SCAI: variants seen among roughly 807,000 people sequenced by gnomAD.
SCAI encodes the protein suppressor of cancer cell invasion.
SCAI carries 24 observed loss-of-function variants against 92.2 expected under a neutral mutation model. That is an observed-to-expected ratio of 0.26 (90% CI 0.19 to 0.37). SCAI has a LOEUF of 0.37. SCAI is among the 10% of genes least tolerant of loss of function. SCAI has a pLI of 1.00. For missense variants in SCAI, 450 were observed against 736.2 expected (o/e 0.61, Z 4.50); for synonymous variants, 261 against 258.6 (o/e 1.01, Z -0.09).
intron 2 of SCAI, among the ~76,000 whole-genome samples, chr9:125,120,277 T>C (rs554346766): frequency 6.6e-6 from 1 of 152,274 alleles, no homozygotes; most frequent in South Asian, 2.1e-4. Context: ...TTAAGTAGAG[T>C]TTTCCTGTAA....
At chr9:124,999,386 C>CAAAA (rs879464843) in intron 13 of SCAI, among the ~76,000 whole-genome samples, 2 of 116,932 alleles carry the variant, frequency 1.7e-5, no homozygotes, top group Non-Finnish European at 3.7e-5. Flanking sequence ...GACTCCATCT[C>CAAAA]AAAAAAAAAA....
At position 125,055,944 on chromosome 9, in the gene SCAI, T is replaced by G; in HGVS notation, c.162A>C (p.Gly54=). 1 of 1,611,846 alleles carries G rather than the reference T, an allele frequency of 6.2e-7. No homozygotes were observed. Among genetic ancestry groups the G allele is most frequent in the Non-Finnish European group, 8.5e-7 (1 of 1,178,094 alleles). ...AAAAATCTGTAACTGTTTTCCTCTC[T>G]CCCTGTGGGATATCATCTTCAGCAC... ...SGGAEDDIPQ[G]ERKTVTDFCY... Residue 54 remains glycine, a synonymous_variant, in exon 3 of 18, where the codon GGA becomes GGC. Coordinates refer to ENST00000336505, the MANE Select transcript of SCAI (RefSeq NM_001144877.3).
intron 17 of SCAI, chr9:124,968,841 C>T (rs1334855103): frequency 1.4e-5 from 9 of 642,566 alleles, no homozygotes; most frequent in Non-Finnish European, 2.0e-5. Flanking sequence ...TTCTGCTGGC[C>T]GCAGGGCCCA....
At chr9:125,135,385 C>T (rs552552089) in intron 2 of SCAI, among the ~76,000 whole-genome samples, 1 of 152,348 alleles carries the variant, frequency 6.6e-6, no homozygotes, top group Admixed American at 6.5e-5. Flanking sequence ...GGCACGATGG[C>T]TCACGCCTGT....
chr9:125,128,938 C>T (rs184087340), intron 2 of SCAI, among the ~76,000 whole-genome samples: 1 of 152,018 alleles, frequency 6.6e-6, no homozygotes, highest in East Asian at 1.9e-4. Context: ...TGGTGCACAA[C>T]TTTAATCCCA....
intron 5 of SCAI, among the ~76,000 whole-genome samples, 199 bp from the exon 6 acceptor site, chr9:125,027,109 ACCT>A (rs1832979631): frequency 6.6e-6 from 1 of 152,034 alleles, no homozygotes; most frequent in Non-Finnish European, 1.5e-5. Flanking sequence ...TTTTTTAAAA[ACCT>A]CCTCGCTGCA....
intron 3 of SCAI, among the ~76,000 whole-genome samples, chr9:125,038,941 G>A (rs1369116502): frequency 1.3e-5 from 2 of 152,178 alleles, no homozygotes; most frequent in Non-Finnish European, 2.9e-5. Flanking sequence ...CAGAAGCCAT[G>A]ATCTGTGGCA....
chr9:125,004,262 G>T (rs972394203), intron 9 of SCAI, among the ~76,000 whole-genome samples: 1 of 151,886 alleles, frequency 6.6e-6, no homozygotes, highest in Admixed American at 6.6e-5. Context: ...GAATTCACAC[G>T]TGTAGGTAGT....
In SCAI at chr9:124,945,888, T is replaced by A. The variant is rs1045932622; in HGVS notation, c.*6919A>T. On this transcript the variant is annotated 3_prime_UTR_variant, in exon 18 of 18. Transcript: ENST00000336505. ...CTTTTTTTTTTAAGTGGTCCCATTA[T>A]CCAGGAAAGACTGAGAGGTACAGCA... is the stretch of plus-strand genomic sequence containing the variant. 15 of 152,292 alleles carry A rather than the reference T, an allele frequency of 9.8e-5. No homozygotes were observed. In the East Asian group the frequency reaches 1.9e-3, roughly 20 times the overall value. The allele number at this position is 152,292 out of a possible 1,614,324, so 9.4% of individuals were successfully genotyped here.
At chr9:125,097,991 GAATA>G (rs766143629) in intron 2 of SCAI, among the ~76,000 whole-genome samples, 5 of 150,452 alleles carry the variant, frequency 3.3e-5, no homozygotes, top group East Asian at 3.9e-4. Flanking sequence ...ATCTATATAA[GAATA>G]TATATATGTG....
intron 2 of SCAI, among the ~76,000 whole-genome samples, chr9:125,125,693 A>C (rs913935144): frequency 6.6e-6 from 1 of 151,320 alleles, no homozygotes; most frequent in South Asian, 2.1e-4. Flanking sequence ...TCAGCCACGC[A>C]TGGTGGCAGG....
chr9:125,101,215 G>A (rs1202489028), intron 2 of SCAI, among the ~76,000 whole-genome samples: 3 of 152,182 alleles, frequency 2.0e-5, no homozygotes, highest in Admixed American at 6.5e-5. Context: ...TGAAGCAAAT[G>A]AGGAGCCAAT....
chr9:125,072,236 A>C (rs559160277), intron 2 of SCAI, among the ~76,000 whole-genome samples: 21 of 152,196 alleles, frequency 1.4e-4, no homozygotes, highest in East Asian at 9.7e-4. Flanking sequence ...GTTGGCCAGG[A>C]TGGTCTCGAT....
rs1318469422 is a variant in SCAI, at chr9:124,976,161, G to A, written c.1352C>T (p.Pro451Leu). ...TGTAGGAGAAAGCAAGCAGACTAGT[G>A]GCTGTCCAAACAAGTTTGTGAAATT... The part of the protein sequence containing the change: ...YKNFTNLFGQ[P>L]LVCLLSPTAY... Residue 451 changes from proline (P) to leucine (L), a missense_variant, in exon 15 of 18, where the codon CCA becomes CTA. Transcript: ENST00000336505. 6.2e-7 allele frequency: 1 copy of A among 1,611,988 alleles called. No individual in the cohort carries two copies.
At chr9:125,047,531 G>A (rs1276828678) in intron 3 of SCAI, among the ~76,000 whole-genome samples, 1 of 152,200 alleles carries the variant, frequency 6.6e-6, no homozygotes, top group Non-Finnish European at 1.5e-5. Context: ...AGACCTGCAA[G>A]CTATTAGCAT....
chr9:125,052,909 T>A, intron 3 of SCAI, among the ~76,000 whole-genome samples: 1 of 150,528 alleles, frequency 6.6e-6, no homozygotes, highest in African/African-American at 2.4e-5. Context: ...ATGTCTATAA[T>A]CAAAAAGACA....
intron 2 of SCAI, among the ~76,000 whole-genome samples, chr9:125,079,160 G>A (rs1323003299): frequency 2.0e-5 from 3 of 151,652 alleles, no homozygotes; most frequent in South Asian, 2.1e-4. Context: ...AGCTTTTCTT[G>A]CAATTGCTTG....
chr9:125,065,308 ATAACT>A (rs1347475194), intron 2 of SCAI, among the ~76,000 whole-genome samples: 5 of 152,212 alleles, frequency 3.3e-5, no homozygotes, highest in South Asian at 4.1e-4. Flanking sequence ...AATATTATAA[ATAACT>A]TAATGCCATC....
At chr9:125,132,117 CTTTT>C (rs758872012) in intron 2 of SCAI, among the ~76,000 whole-genome samples, 1 of 142,916 alleles carries the variant, frequency 7.0e-6, no homozygotes, top group African/African-American at 2.6e-5. Flanking sequence ...TTCTTTTTTC[CTTTT>C]TTTTTTTTTT....
Sources: gnomAD v4.1 joint callset for allele counts (sites outside exome capture counted in the v4.1 genomes callset) on GRCh38, gnomAD v4.1.1 for gene constraint, MANE v1.5 for transcripts, NCBI Gene and HGNC (gene_info 2026-07-23, HGNC 2026-07-21) for gene names.